The following CALM2 variants were observed in gnomAD, a reference collection of about 807,000 sequenced individuals.
CALM2 encodes the protein calmodulin 2.
CALM2 carries 2 observed loss-of-function variants against 19.8 expected under a neutral mutation model. That is an observed-to-expected ratio of 0.10 (90% CI 0.04 to 0.32). The LOEUF (loss-of-function observed/expected upper bound fraction) is 0.32, where lower values mean the gene tolerates loss of function less well. Among genes scored for constraint, CALM2 ranks in the 10% least tolerant of loss-of-function variants. The probability of loss-of-function intolerance (pLI) is 1.00; values close to 1 mark genes in which losing one functional copy is unlikely to be tolerated. For missense variants in CALM2, 38 were observed against 178.7 expected (o/e 0.21, Z 4.49); for synonymous variants, 51 against 52.1 (o/e 0.98, Z 0.09).
At chr2:47,172,738 C>T in intron 1 of CALM2, 2 of 210,250 alleles carry the variant, frequency 9.5e-6, no homozygotes, top group South Asian at 1.1e-4. Context: ...ACACTGCAGC[C>T]TGTGTGAAAG....
intron 2 of CALM2, among the ~76,000 whole-genome samples, chr2:47,164,347 A>AACACACACAC (rs61085424): frequency 7.2e-6 from 1 of 139,848 alleles, no homozygotes; most frequent in African/African-American, 2.7e-5. Context: ...TCTCTACTAA[A>AACACACACAC]ACACACACAC....
chr2:47,174,678 C>T (rs182841646), intron 1 of CALM2, among the ~76,000 whole-genome samples: 3 of 151,728 alleles, frequency 2.0e-5, no homozygotes, highest in Admixed American at 2.0e-4. Flanking sequence ...ACCAACTCTA[C>T]CAAGAAAAAA....
At chr2:47,165,734 T>A (rs1666448278) in intron 2 of CALM2, among the ~76,000 whole-genome samples, 1 of 152,182 alleles carries the variant, frequency 6.6e-6, no homozygotes, top group South Asian at 2.1e-4. Context: ...ATGTCTTTAT[T>A]TCTGGCTGTC....
At chr2:47,168,101 A>C in intron 2 of CALM2, among the ~76,000 whole-genome samples, 1 of 152,182 alleles carries the variant, frequency 6.6e-6, no homozygotes, top group East Asian at 1.9e-4. Flanking sequence ...AATTTATTCA[A>C]GGAATATTCA....
At chr2:47,166,295 T>C (rs1488330878) in intron 2 of CALM2, among the ~76,000 whole-genome samples, 1 of 152,244 alleles carries the variant, frequency 6.6e-6, no homozygotes, top group Admixed American at 6.5e-5. Flanking sequence ...TTTGAGGTAT[T>C]TGTTTATATT....
rs1367443241 is a variant in CALM2, at chr2:47,160,616, G to C, written c.*160C>G. The C allele has an allele frequency of 2.0e-6, 1 of 510,728 alleles. No homozygotes were observed. The highest frequency in any genetic ancestry group is 3.5e-5 in the South Asian group (1 of 28,726). The allele number at this position is 510,728 out of a possible 1,614,324, so 31.6% of individuals were successfully genotyped here. On this transcript the variant is annotated 3_prime_UTR_variant, in exon 6 of 6. Transcript: ENST00000272298. ...AAAATAAGGTTTTAGGACAATGACA[G>C]TAAGATAAGGGAAGAAAACATGGAG... is the stretch of plus-strand genomic sequence containing the variant.
intron 2 of CALM2, among the ~76,000 whole-genome samples, chr2:47,164,263 A>AC (rs1666380667): frequency 8.2e-5 from 2 of 24,508 alleles, no homozygotes; most frequent in Non-Finnish European, 4.2e-4. Context: ...GAAGAAAAAG[A>AC]AAAGAAACCC....
chr2:47,175,518 C>G (rs887518445), intron 1 of CALM2, among the ~76,000 whole-genome samples: 2 of 152,198 alleles, frequency 1.3e-5, no homozygotes, highest in African/African-American at 4.8e-5. Flanking sequence ...ATTGCGAGGA[C>G]GCGCCCCTGA....
intron 1 of CALM2, chr2:47,172,361 G>A (rs1666698585): frequency 4.1e-6 from 2 of 488,100 alleles, no homozygotes; most frequent in Non-Finnish European, 8.1e-6. Context: ...CTTGGACGTG[G>A]TACTCCTCCT....
chr2:47,164,605 A>G (rs1263847285), intron 2 of CALM2, among the ~76,000 whole-genome samples: 3 of 152,138 alleles, frequency 2.0e-5, no homozygotes, highest in Admixed American at 1.3e-4. Flanking sequence ...CAAAAAAAAA[A>G]AAAGAAAGAA....
intron 1 of CALM2, among the ~76,000 whole-genome samples, chr2:47,174,827 G>A (rs992866508): frequency 6.6e-6 from 1 of 151,958 alleles, no homozygotes; most frequent in African/African-American, 2.4e-5. Flanking sequence ...GAAAGCAAAT[G>A]TAACCAGCAC....
chr2:47,169,895 G>C (rs1215120533), intron 2 of CALM2, among the ~76,000 whole-genome samples: 2 of 150,082 alleles, frequency 1.3e-5, no homozygotes, highest in Non-Finnish European at 3.0e-5. Flanking sequence ...AAACTGCTTG[G>C]TGCTCATGCT....
intron 2 of CALM2, among the ~76,000 whole-genome samples, chr2:47,164,128 C>T (rs1383014354): frequency 1.3e-5 from 2 of 151,546 alleles, no homozygotes; most frequent in Non-Finnish European, 2.9e-5. Context: ...GTCCCAGCTA[C>T]TCGGGAGGCT....
At chr2:47,169,072 C>A (rs1666587048) in intron 2 of CALM2, among the ~76,000 whole-genome samples, 1 of 152,140 alleles carries the variant, frequency 6.6e-6, no homozygotes, top group Non-Finnish European at 1.5e-5. Flanking sequence ...CTGCGCCCGG[C>A]CAACAAACTT....
chr2:47,170,527 T>G (rs1021017384), intron 2 of CALM2, among the ~76,000 whole-genome samples: 2 of 152,222 alleles, frequency 1.3e-5, no homozygotes. Context: ...TGTCTTTAAC[T>G]ACAATTAGCC....
intron 3 of CALM2, 54 bp from the exon 4 acceptor site, chr2:47,162,446 A>C: frequency 1.2e-6 from 2 of 1,608,878 alleles, no homozygotes; most frequent in Non-Finnish European, 1.7e-6. Context: ...ATAAGCAAAC[A>C]GCAAAGGTTT....
At chr2:47,176,025 C>A (rs1232387914) in intron 1 of CALM2, among the ~76,000 whole-genome samples, 1 of 152,166 alleles carries the variant, frequency 6.6e-6, no homozygotes, top group Non-Finnish European at 1.5e-5. Context: ...CTGGCGCCCG[C>A]ACTAACCGTC....
rs750166279 is a variant in CALM2, at chr2:47,176,470, C to A, written c.-27G>T. 5.6e-6 allele frequency: 9 copies of A among 1,613,706 alleles called. No individual in the cohort carries two copies. Among genetic ancestry groups the A allele is most frequent in the Non-Finnish European group, 7.6e-6 (9 of 1,179,986 alleles). On this transcript the variant is annotated 5_prime_UTR_variant, in exon 1 of 6. Coordinates refer to ENST00000272298, the MANE Select transcript of CALM2 (RefSeq NM_001743.6). Reference sequence around the variant, plus strand: ...CTGCAAGCGCTACCGGTTTCCGAGACGCGACCACACAACCACTCAGCTCGC... The same window carrying A: ...CTGCAAGCGCTACCGGTTTCCGAGAAGCGACCACACAACCACTCAGCTCGC...
chr2:47,161,185 T>C (rs1268614925), intron 5 of CALM2, among the ~76,000 whole-genome samples: 1 of 152,186 alleles, frequency 6.6e-6, no homozygotes, highest in Admixed American at 6.5e-5. Flanking sequence ...AGTAGTTACA[T>C]CATGAAAAAA....
Sources: allele counts gnomAD v4.1 joint callset (sites outside exome capture counted in the v4.1 genomes callset), GRCh38; gene constraint gnomAD v4.1.1; transcripts MANE v1.5; gene names NCBI Gene and HGNC (gene_info 2026-07-23, HGNC 2026-07-21).